The following HECTD2 variants were observed in gnomAD, a reference collection of about 807,000 sequenced individuals.
HECTD2 encodes HECT domain E3 ubiquitin protein ligase 2.
Under a neutral mutation model 103.2 loss-of-function variants are expected in HECTD2, and 35 were observed. The ratio of observed to expected loss-of-function variants is 0.34; its 90% CI spans 0.26 to 0.45. The LOEUF (loss-of-function observed/expected upper bound fraction) is 0.45, where lower values mean the gene tolerates loss of function less well. Ranked by LOEUF, HECTD2 falls within the 20% of genes least tolerant of loss-of-function variation. The pLI is 1.00. For synonymous variants in HECTD2, 281 were observed against 329.9 expected (o/e 0.85, Z 1.61); for missense variants, 596 against 937.4 (o/e 0.64, Z 4.76).
chr10:91,414,359 A>T (rs930302775), intron 1 of HECTD2, among the ~76,000 whole-genome samples: 1 of 152,212 alleles, frequency 6.6e-6, no homozygotes, highest in Non-Finnish European at 1.5e-5. Context: ...AAGTTTAGTA[A>T]CAAGAATGAG....
intron 5 of HECTD2, among the ~76,000 whole-genome samples, chr10:91,467,293 G>C (rs969149666): frequency 6.6e-6 from 1 of 152,188 alleles, no homozygotes; most frequent in African/African-American, 2.4e-5. Flanking sequence ...ACTCCAGCCT[G>C]TGTGGCGCCC....
At chr10:91,461,170 A>G (rs1845331543) in intron 3 of HECTD2, 84 bp from the exon 4 acceptor site, 1 of 621,884 alleles carries the variant, frequency 1.6e-6, no homozygotes, top group Non-Finnish European at 2.8e-6. Context: ...TTTGTATTGC[A>G]TGTTTGGTGA....
intron 20 of HECTD2, among the ~76,000 whole-genome samples, chr10:91,503,324 G>T (rs941820043): frequency 7.9e-5 from 12 of 152,232 alleles, no homozygotes; most frequent in African/African-American, 2.9e-4. Flanking sequence ...CAGCCTGAGC[G>T]ACGCAGAAGA....
chr10:91,451,922 T>C (rs1844848232), intron 2 of HECTD2, among the ~76,000 whole-genome samples: 1 of 152,134 alleles, frequency 6.6e-6, no homozygotes, highest in Admixed American at 6.6e-5. Flanking sequence ...TATTTCATTA[T>C]TATAGACCTT....
In HECTD2 at chr10:91,497,993, A is replaced by G. The variant is rs1466758109; in HGVS notation, c.1681-115A>G. 1.0e-5 allele frequency: 7 copies of G among 682,200 alleles called. No homozygotes were observed. In the African/African-American group the frequency reaches 1.3e-4, roughly 12 times the overall value. The allele number at this position is 682,200 out of a possible 1,614,324, so 42.3% of individuals were successfully genotyped here. On this transcript the variant is annotated intron_variant, in intron 15 of 20. Coordinates refer to ENST00000298068, the MANE Select transcript of HECTD2 (RefSeq NM_182765.6). ...TCATTAACCATTTTGTGCCCTGGAAAATACATGTCAAATATGATCTTTATA... is the reference window on the plus strand; with the variant it reads ...TCATTAACCATTTTGTGCCCTGGAAGATACATGTCAAATATGATCTTTATA...
At chr10:91,430,265 C>G (rs1458429199) in intron 2 of HECTD2, among the ~76,000 whole-genome samples, 1 of 151,998 alleles carries the variant, frequency 6.6e-6, no homozygotes, top group African/African-American at 2.4e-5. Flanking sequence ...AATTTCTGTT[C>G]TTTTACATTT....
chr10:91,504,488 C>T (rs1189953196), intron 20 of HECTD2, among the ~76,000 whole-genome samples: 3 of 152,046 alleles, frequency 2.0e-5, no homozygotes, highest in African/African-American at 7.2e-5. Flanking sequence ...ATGCAGAAGC[C>T]TCAGGAGCCA....
At chr10:91,472,911 G>A (rs1157764702) in intron 5 of HECTD2, among the ~76,000 whole-genome samples, 1 of 151,988 alleles carries the variant, frequency 6.6e-6, no homozygotes, top group African/African-American at 2.4e-5. Flanking sequence ...TAAACTGGAA[G>A]GTAGAAGTGA....
chr10:91,501,166 G>A lies in HECTD2; in HGVS notation c.2067-25G>A. 4 of 1,596,626 alleles carry A rather than the reference G, an allele frequency of 2.5e-6. No homozygotes were observed. In the Admixed American group the frequency reaches 5.2e-5, roughly 21 times the overall value. ...TAGGATTTTTGTCAAGACATTTGAT[G>A]TTAATTTCCTTTGGTATTCTCTAGA... is the stretch of plus-strand genomic sequence containing the variant. On this transcript the variant is annotated intron_variant, in intron 19 of 20. Coordinates refer to ENST00000298068, the MANE Select transcript of HECTD2 (RefSeq NM_182765.6).
intron 2 of HECTD2, among the ~76,000 whole-genome samples, chr10:91,438,188 C>T (rs557504334): frequency 6.6e-6 from 1 of 152,008 alleles, no homozygotes; most frequent in African/African-American, 2.4e-5. Context: ...ACCCATCAAC[C>T]CGTCATCTAC....
At chr10:91,432,028 A>G (rs186464162) in intron 2 of HECTD2, among the ~76,000 whole-genome samples, 2 of 151,956 alleles carry the variant, frequency 1.3e-5, no homozygotes, top group Non-Finnish European at 2.9e-5. Context: ...GAATTTTCCT[A>G]GCTGTTCTAT....
intron 20 of HECTD2, among the ~76,000 whole-genome samples, chr10:91,503,203 C>T (rs188366218): frequency 1.4e-4 from 21 of 152,304 alleles, no homozygotes; most frequent in African/African-American, 4.3e-4. Context: ...ATCAAAACCA[C>T]AATGAGATAC....
intron 5 of HECTD2, among the ~76,000 whole-genome samples, chr10:91,466,463 G>A (rs1315994339): frequency 1.3e-5 from 2 of 151,902 alleles, no homozygotes; most frequent in African/African-American, 4.8e-5. Context: ...GATTTAATTT[G>A]CTCTTTTGTT....
Position 91,504,608 on chromosome 10 carries a change from CAAGA to C in HECTD2, c.2210+3277_2210+3280del, listed in dbSNP as rs200272090. Among the ~76,000 whole-genome samples, 1,268 of 151,938 alleles carry C rather than the reference CAAGA, an allele frequency of 8.3e-3. 17 individuals carry two copies. Among genetic ancestry groups the C allele is most frequent in the African/African-American group, 0.028 (1,152 of 41,400 alleles). ...AATAAAAAGAAACGAGCAAAGCCTCCAAGAAATATGGGACTATGTGAAAAGACCA... is the reference window on the plus strand; with the variant it reads ...AATAAAAAGAAACGAGCAAAGCCTCCAATATGGGACTATGTGAAAAGACCA... On this transcript the variant is annotated intron_variant, in intron 20 of 20. Transcript: ENST00000298068.
At position 91,514,730 on chromosome 10, in the gene HECTD2, A is replaced by G. The variant is rs918809289; in HGVS notation, c.*2346A>G. 6.6e-5 allele frequency: 10 copies of G among 152,352 alleles called. No homozygotes were observed. The highest frequency in any genetic ancestry group is 2.2e-4 in the African/African-American group (9 of 41,382). The allele number at this position is 152,352 out of a possible 1,614,324, so 9.4% of individuals were successfully genotyped here. On this transcript the variant is annotated 3_prime_UTR_variant, in exon 21 of 21. Coordinates refer to ENST00000298068, the MANE Select transcript of HECTD2 (RefSeq NM_182765.6). ...TGTATTGTATTAATTTCTGGATGCA[A>G]TTTTTCAAATATTAAAATTATACAG...
chr10:91,452,925 T>G (rs1375727384), intron 2 of HECTD2, among the ~76,000 whole-genome samples: 1 of 151,906 alleles, frequency 6.6e-6, no homozygotes, highest in African/African-American at 2.4e-5. Flanking sequence ...TGCCACTACA[T>G]TTACTCTAAA....
chr10:91,503,463 G>C (rs943314408), intron 20 of HECTD2, among the ~76,000 whole-genome samples: 1 of 152,194 alleles, frequency 6.6e-6, no homozygotes, highest in East Asian at 1.9e-4. Context: ...TGCCTCACTC[G>C]GGAAGCGCAA....
chr10:91,443,976 T>A (rs142437208), intron 2 of HECTD2, among the ~76,000 whole-genome samples: 4 of 152,264 alleles, frequency 2.6e-5, no homozygotes, highest in African/African-American at 9.6e-5. Context: ...TTCTTATAGA[T>A]TATATTTGGT....
At chr10:91,427,128 A>G (rs1325252557) in intron 2 of HECTD2, among the ~76,000 whole-genome samples, 1 of 149,632 alleles carries the variant, frequency 6.7e-6, no homozygotes, top group Non-Finnish European at 1.5e-5. Flanking sequence ...GCGATAGTTT[A>G]CTGAGAATGA....
Sources: gnomAD v4.1 joint callset for allele counts (sites outside exome capture counted in the v4.1 genomes callset) on GRCh38, gnomAD v4.1.1 for gene constraint, MANE v1.5 for transcripts, NCBI Gene and HGNC (gene_info 2026-07-23, HGNC 2026-07-21) for gene names.